Variants in XRN1 observed in about 807,000 individuals in gnomAD.
XRN1 encodes strand-exchange protein 1 homolog.
Under a neutral mutation model 222.3 loss-of-function variants are expected in XRN1, and 67 were observed. The observed-to-expected ratio is 0.30, with a 90% confidence interval of 0.25 to 0.37. The LOEUF (loss-of-function observed/expected upper bound fraction) is 0.37, where lower values mean the gene tolerates loss of function less well. Ranked by LOEUF, XRN1 falls within the 10% of genes least tolerant of loss-of-function variation. The probability of loss-of-function intolerance (pLI) is 1.00; values close to 1 mark genes in which losing one functional copy is unlikely to be tolerated. For missense variants in XRN1, 1,707 were observed against 2,000.2 expected (o/e 0.85, Z 2.80); for synonymous variants, 643 against 652.4 (o/e 0.99, Z 0.22).
chr3:142,443,909 G>A (rs1320879625), intron 1 of XRN1, among the ~76,000 whole-genome samples: 1 of 152,256 alleles, frequency 6.6e-6, no homozygotes, highest in Admixed American at 6.5e-5. Context: ...AAGAAGGAAT[G>A]AGATCCTGCC....
At position 142,365,316 on chromosome 3, in the gene XRN1, T is replaced by C; in HGVS notation, c.3255A>G (p.Leu1085=). 2 of 1,591,240 alleles carry C rather than the reference T, an allele frequency of 1.3e-6. No individual in the cohort carries two copies. Among genetic ancestry groups the C allele is most frequent in the South Asian group, 1.2e-5 (1 of 84,334 alleles). The change falls in exon 28 of 41, where the codon CTA becomes CTG. Residue 1085 remains leucine (L), a synonymous_variant. Transcript: ENST00000392981. ...TCTTTGATAGGAAACTTACTCTGTA[T>C]AGCAAATGGGGTTTCACTGTTACTC... ...KVRVTVKPHL[L]YRPLEQQHGV...
intron 33 of XRN1, among the ~76,000 whole-genome samples, chr3:142,345,825 C>T (rs75203027): frequency 0.079 from 12,073 of 152,110 alleles, 1,605 homozygotes; most frequent in African/African-American, 0.27. Flanking sequence ...CAAATGAAAA[C>T]CACAAGAACA....
chr3:142,358,965 C>G (rs147606109), intron 30 of XRN1, among the ~76,000 whole-genome samples: 4 of 152,172 alleles, frequency 2.6e-5, no homozygotes, highest in African/African-American at 9.6e-5. Context: ...AAGCAGAAAA[C>G]TGGAAAGGAT....
intron 37 of XRN1, among the ~76,000 whole-genome samples, chr3:142,321,965 TCTTA>T (rs2065367808): frequency 6.6e-6 from 1 of 152,232 alleles, no homozygotes; most frequent in Non-Finnish European, 1.5e-5. Flanking sequence ...TATTTATTTT[TCTTA>T]CTTAATTGCT....
At chr3:142,401,481 G>A (rs965764705) in intron 18 of XRN1, among the ~76,000 whole-genome samples, 3 of 152,126 alleles carry the variant, frequency 2.0e-5, no homozygotes, top group East Asian at 1.9e-4. Flanking sequence ...TTGGGAGGCC[G>A]AGGCAGGTGG....
chr3:142,373,852 G>A (rs965315026), intron 25 of XRN1, among the ~76,000 whole-genome samples: 16 of 152,156 alleles, frequency 1.1e-4, no homozygotes, highest in African/African-American at 1.7e-4. Context: ...CATGGTGGCA[G>A]GTGCCTGTAA....
At chr3:142,365,444 G>T in intron 27 of XRN1, 78 bp from the exon 28 acceptor site, 1 of 1,095,070 alleles carries the variant, frequency 9.1e-7, no homozygotes, top group South Asian at 2.3e-5. Context: ...ACTTCCACAT[G>T]TCTGAATTTT....
At chr3:142,443,329 T>C (rs1025948827) in intron 1 of XRN1, among the ~76,000 whole-genome samples, 3 of 152,170 alleles carry the variant, frequency 2.0e-5, no homozygotes, top group African/African-American at 7.2e-5. Context: ...GAGTGGGGAC[T>C]GAGAGACAGG....
chr3:142,368,861 A>T (rs2066898486), intron 27 of XRN1, among the ~76,000 whole-genome samples: 1 of 152,226 alleles, frequency 6.6e-6, no homozygotes, highest in Non-Finnish European at 1.5e-5. Flanking sequence ...TAATAAAAAC[A>T]TCTAAGCATT....
chr3:142,420,130 C>T (rs1403760050), intron 10 of XRN1: 2 of 151,966 alleles, frequency 1.3e-5, no homozygotes, highest in Non-Finnish European at 2.9e-5. Context: ...TCATTAAACA[C>T]TATAAATATC....
chr3:142,317,379 G>C (rs894529092), intron 39 of XRN1, among the ~76,000 whole-genome samples: 17 of 151,942 alleles, frequency 1.1e-4, no homozygotes, highest in Admixed American at 4.6e-4. Context: ...CCTTGGCTTT[G>C]CTAGGACTTT....
chr3:142,428,562 T>G (rs939303844), intron 2 of XRN1, among the ~76,000 whole-genome samples: 1 of 152,154 alleles, frequency 6.6e-6, no homozygotes, highest in African/African-American at 2.4e-5. Context: ...TAGTCTAGGC[T>G]GAGACAGTAG....
At chr3:142,406,792 G>A (rs2108042441) in intron 15 of XRN1, among the ~76,000 whole-genome samples, 1 of 152,144 alleles carries the variant, frequency 6.6e-6, no homozygotes, top group African/African-American at 2.4e-5. Context: ...TGAGATTACA[G>A]GTGTGAGCCA....
intron 1 of XRN1, among the ~76,000 whole-genome samples, chr3:142,442,439 G>A (rs2070266456): frequency 6.6e-6 from 1 of 152,204 alleles, no homozygotes; most frequent in Admixed American, 6.5e-5. Flanking sequence ...CCAAGCCCCA[G>A]TACTCAGAAG....
At chr3:142,364,933 T>C (rs111351565) in intron 29 of XRN1, 114 bp downstream of exon 29, 13 of 1,099,598 alleles carry the variant, frequency 1.2e-5, no homozygotes, top group African/African-American at 2.9e-5. Flanking sequence ...CATAAAAAGA[T>C]TGTTTGTTCC....
intron 32 of XRN1, among the ~76,000 whole-genome samples, chr3:142,351,970 A>T (rs942567427): frequency 6.6e-6 from 1 of 151,716 alleles, no homozygotes; most frequent in East Asian, 1.9e-4. Flanking sequence ...CTTATTTCTA[A>T]CACCACCATT....
chr3:142,442,718 A>T (rs1259752870), intron 1 of XRN1, among the ~76,000 whole-genome samples: 1 of 152,052 alleles, frequency 6.6e-6, no homozygotes, highest in African/African-American at 2.4e-5. Context: ...CATACATTTC[A>T]ATCCCTGTAT....
rs145121359 is a variant in XRN1, at chr3:142,308,431, G to A, written c.*3080C>T. The A allele has an allele frequency of 3.6e-4, 54 of 152,022 alleles. No homozygotes were observed. The highest frequency in any genetic ancestry group is 1.1e-3 in the African/African-American group (44 of 41,456). 9.4% of individuals were successfully genotyped at this position (152,022 alleles called of 1,614,324 possible). A position where few individuals can be genotyped will look rare whatever the true frequency, so the allele number is the denominator to read the frequency against. The stretch of plus-strand genomic sequence containing the variant: ...ATAGTTCTTCATTCCTCCACCAATC[G>A]GGAAAAAAACCCTTCAATCTTTATT... On this transcript the variant is annotated 3_prime_UTR_variant, in exon 41 of 41. Coordinates refer to ENST00000392981, the MANE Select transcript of XRN1 (RefSeq NM_001282857.2).
chr3:142,314,904 C>CAAA (rs776430519), intron 39 of XRN1, among the ~76,000 whole-genome samples: 283 of 22,264 alleles, frequency 0.013, 22 homozygotes, highest in East Asian at 0.021. Flanking sequence ...GACTCTGTCT[C>CAAA]AAAAAAAAAA....
Sources: gnomAD v4.1 joint callset for allele counts (sites outside exome capture counted in the v4.1 genomes callset) on GRCh38, gnomAD v4.1.1 for gene constraint, MANE v1.5 for transcripts, NCBI Gene and HGNC (gene_info 2026-07-23, HGNC 2026-07-21) for gene names.